PDE4DIP: variants seen among roughly 807,000 people sequenced by gnomAD.
PDE4DIP encodes the protein phosphodiesterase 4D interacting protein.
Under a neutral mutation model 221.4 loss-of-function variants are expected in PDE4DIP, and 59 were observed. The ratio of observed to expected loss-of-function variants is 0.27; its 90% CI spans 0.22 to 0.33. The LOEUF (loss-of-function observed/expected upper bound fraction) is 0.33. PDE4DIP is among the 10% of genes least tolerant of loss of function. PDE4DIP has a pLI of 1.00. For missense variants in PDE4DIP, 1,036 were observed against 2,154.2 expected, an observed-to-expected ratio of 0.48 and a Z score of 10.28; for synonymous variants, 404 against 815.9, an observed-to-expected ratio of 0.50 and a Z score of 8.60.
chr1:148,978,188 G>A, intron 18 of PDE4DIP, 90 bp from the exon 22 acceptor site: 2 of 1,316,846 alleles, frequency 1.5e-6, no homozygotes, highest in Non-Finnish European at 2.2e-6. Context: ...AGTATAGGCA[G>A]AATATTTCAA....
In PDE4DIP at chr1:149,030,119, A is replaced by G. The variant is rs1397831452; in HGVS notation, c.6953-113A>G. On this transcript the variant is annotated intron_variant, in intron 42 of 43. Transcript: ENST00000369354. ...GAGGACAGGGGGTGGATAGAAGGAG[A>G]CTCCAAGCTGAATAGCCAGAAAGAA... 4.3e-6 allele frequency: 4 copies of G among 937,878 alleles called. No homozygotes were observed. In the African/African-American group the frequency reaches 6.6e-5, roughly 16 times the overall value. The allele number at this position is 937,878 out of a possible 1,614,324, so 58.1% of individuals were successfully genotyped here.
At chr1:148,938,199 CT>C (rs2049692352) in intron 5 of PDE4DIP, 1 of 160,764 alleles carries the variant, frequency 6.2e-6, no homozygotes. Flanking sequence ...GTTATGGCAG[CT>C]TCCTTCTTCA....
At chr1:149,010,994 C>T (rs1250129617) in intron 31 of PDE4DIP, among the ~76,000 whole-genome samples, 1 of 146,666 alleles carries the variant, frequency 6.8e-6, no homozygotes, top group South Asian at 2.3e-4. Context: ...AGATCCTCTG[C>T]AAGAGGTAGT....
At chr1:148,963,748 CTTTTTTTTTTT>C (rs66921099) in intron 9 of PDE4DIP, among the ~76,000 whole-genome samples, 6 of 89,098 alleles carry the variant, frequency 6.7e-5, no homozygotes, top group African/African-American at 2.8e-4. Context: ...TTCTTTCCTT[CTTTTTTTTTTT>C]TTTTTTTTTT....
Position 149,023,557 on chromosome 1 carries a change from A to G in PDE4DIP, c.6086-888A>G, listed in dbSNP as rs1254405002. 3.4e-5 allele frequency among the ~76,000 whole-genome samples: 5 copies of G among 146,872 alleles called. No homozygotes were observed. In the East Asian group the frequency reaches 1.0e-3, roughly 30 times the overall value. On this transcript the variant is annotated intron_variant, in intron 37 of 43. Coordinates refer to ENST00000369354, the Ensembl canonical transcript of PDE4DIP. ...TATATACATATATATATTTATATAT[A>G]TGTGCATGTATATATATGTGTGTAC...
chr1:148,978,376 A>G, exon 19 of PDE4DIP: 1 of 1,610,802 alleles, frequency 6.2e-7, no homozygotes, highest in Non-Finnish European at 8.5e-7. Flanking sequence ...CTTCAGTAGA[A>G]TCCCAGGGTC....
At chr1:148,953,571 G>T (rs1338102497) in intron 5 of PDE4DIP, 2 of 1,613,562 alleles carry the variant, frequency 1.2e-6, no homozygotes, top group Non-Finnish European at 8.5e-7. Flanking sequence ...ACTGAGAGAA[G>T]TGCAAAGGAA....
chr1:148,976,568 C>G (rs2060212159), intron 17 of PDE4DIP, among the ~76,000 whole-genome samples: 1 of 152,032 alleles, frequency 6.6e-6, no homozygotes, highest in Non-Finnish European at 1.5e-5. Flanking sequence ...TGGGCTAGTG[C>G]TGGGGATGAG....
exon 41 of PDE4DIP, chr1:149,028,647 A>G (rs782311211): frequency 1.2e-6 from 2 of 1,601,810 alleles, no homozygotes; most frequent in South Asian, 1.1e-5. Context: ...CCTCCTCACC[A>G]TGTTCTGGAG....
intron 1 of PDE4DIP, among the ~76,000 whole-genome samples, chr1:148,859,822 G>GTGTA (rs1553398955): frequency 4.6e-5 from 6 of 130,120 alleles, no homozygotes; most frequent in African/African-American, 1.9e-4. Flanking sequence ...GTGTGTGTGT[G>GTGTA]TGTGTGTATG....
intron 9 of PDE4DIP, among the ~76,000 whole-genome samples, chr1:148,964,178 C>T (rs1340168592): frequency 2.0e-5 from 3 of 150,108 alleles, no homozygotes; most frequent in East Asian, 2.0e-4. Flanking sequence ...GACACAATCT[C>T]GGCTCACTGC....
intron 21 of PDE4DIP, among the ~76,000 whole-genome samples, chr1:148,988,067 T>C (rs2062226935): frequency 6.6e-6 from 1 of 152,202 alleles, no homozygotes; most frequent in East Asian, 1.9e-4. Context: ...CTTTTCAATG[T>C]CCTGTGAGGC....
chr1:148,984,981 C>T (rs2061664288), intron 21 of PDE4DIP: 1 of 152,078 alleles, frequency 6.6e-6, no homozygotes, highest in African/African-American at 2.4e-5. Flanking sequence ...GGTTTACAGT[C>T]AGTATCCTGC....
intron 5 of PDE4DIP, chr1:148,953,762 A>C (rs782698504): frequency 5.5e-5 from 81 of 1,469,238 alleles, no homozygotes; most frequent in Non-Finnish European, 7.6e-5. Context: ...TGGCCCTAGC[A>C]TGACAGATGG....
upstream of PDE4DIP, among the ~76,000 whole-genome samples, chr1:148,885,124 C>G: frequency 6.8e-6 from 1 of 147,310 alleles, no homozygotes; most frequent in East Asian, 2.1e-4. Flanking sequence ...TCCCACTTTT[C>G]TCAGGAAGTT....
intron 40 of PDE4DIP, 145 bp from the exon 44 acceptor site, chr1:149,028,415 T>C: frequency 3.4e-6 from 2 of 580,954 alleles, no homozygotes; most frequent in Non-Finnish European, 6.0e-6. Flanking sequence ...AGCAGCACCT[T>C]AGTTCTGAGA....
exon 20 of PDE4DIP, chr1:148,979,809 C>T: frequency 1.9e-6 from 3 of 1,613,634 alleles, no homozygotes; most frequent in Non-Finnish European, 2.5e-6. Context: ...AGAGAGACAG[C>T]TCTATAGCAG....
chr1:148,920,239 TCTC>T, intron 1 of PDE4DIP, among the ~76,000 whole-genome samples: 1 of 139,328 alleles, frequency 7.2e-6, no homozygotes, highest in South Asian at 2.3e-4. Flanking sequence ...TTCAAGCAAT[TCTC>T]CTGCCTCAGC....
chr1:149,018,106 A>C (rs1208819121), intron 34 of PDE4DIP, among the ~76,000 whole-genome samples: 1 of 151,928 alleles, frequency 6.6e-6, no homozygotes, highest in Non-Finnish European at 1.5e-5. Flanking sequence ...CCCCATACTT[A>C]ATCTGCTTAT....
Sources: gnomAD v4.1 joint callset for allele counts (sites outside exome capture counted in the v4.1 genomes callset) on GRCh38, gnomAD v4.1.1 for gene constraint, MANE v1.5 for transcripts, NCBI Gene and HGNC (gene_info 2026-07-23, HGNC 2026-07-21) for gene names.